SULT1B1: variants seen among roughly 807,000 people sequenced by gnomAD.
SULT1B1 encodes the protein sulfotransferase 1B1.
In SULT1B1, 28 loss-of-function variants were observed where a neutral mutation model predicts 34.6. The ratio of observed to expected loss-of-function variants is 0.81; its 90% CI spans 0.60 to 1.11. The LOEUF (loss-of-function observed/expected upper bound fraction) is 1.11. SULT1B1 is among the 50% of genes least tolerant of loss of function. The pLI, the probability that SULT1B1 is intolerant of heterozygous loss-of-function variation, is 0.00. For missense variants in SULT1B1, 374 were observed against 352.2 expected, an observed-to-expected ratio of 1.06 and a Z score of -0.50; for synonymous variants, 147 against 110.2, an observed-to-expected ratio of 1.33 and a Z score of -2.09.
chr4:69,760,344 G>T, intron 1 of SULT1B1, 115 bp downstream of exon 1: 1 of 307,122 alleles, frequency 3.3e-6, no homozygotes, highest in Non-Finnish European at 4.8e-6. Flanking sequence ...TTGGAATTAT[G>T]CAAAAGACTT....
intron 7 of SULT1B1, among the ~76,000 whole-genome samples, chr4:69,730,298 C>A (rs1718022252): frequency 2.0e-5 from 3 of 152,070 alleles, no homozygotes; most frequent in African/African-American, 7.2e-5. Context: ...AAATATTTAT[C>A]ATATATTCAA....
intron 1 of SULT1B1, among the ~76,000 whole-genome samples, chr4:69,757,712 T>C (rs1719245269): frequency 6.6e-6 from 1 of 152,208 alleles, no homozygotes; most frequent in Non-Finnish European, 1.5e-5. Flanking sequence ...AGAAAAATGC[T>C]GTGTCATTTT....
rs1415245469 is a variant in SULT1B1 at position 69,723,731 on chromosome 4, C to G, written c.*3357G>C. 1 of 152,150 alleles carries G rather than the reference C, an allele frequency of 6.6e-6. No homozygotes were observed. The highest frequency in any genetic ancestry group is 1.5e-5 in the Non-Finnish European group (1 of 68,016). The allele number at this position is 152,150 out of a possible 1,614,324, so 9.4% of individuals were successfully genotyped here. On this transcript the variant is annotated 3_prime_UTR_variant, in exon 8 of 8. Transcript: ENST00000310613. ...CAAGGCTGGTTCAACATATGCAAATCAATAAATGTAATCCAGCATATAAAC... is the reference window on the plus strand; with the variant it reads ...CAAGGCTGGTTCAACATATGCAAATGAATAAATGTAATCCAGCATATAAAC...
chr4:69,739,915 A>C (rs2110022698), intron 4 of SULT1B1, among the ~76,000 whole-genome samples: 1 of 152,334 alleles, frequency 6.6e-6, no homozygotes, highest in South Asian at 2.1e-4. Context: ...GTTCCCAACA[A>C]GTTCCTCTTC....
intron 6 of SULT1B1, among the ~76,000 whole-genome samples, chr4:69,730,947 G>T (rs1718057340): frequency 6.6e-6 from 1 of 152,130 alleles, no homozygotes; most frequent in African/African-American, 2.4e-5. Flanking sequence ...GAGTAAACGA[G>T]CAGACATGAT....
At chr4:69,750,179 T>G (rs990808411) in intron 3 of SULT1B1, among the ~76,000 whole-genome samples, 5 of 152,192 alleles carry the variant, frequency 3.3e-5, no homozygotes, top group African/African-American at 1.2e-4. Flanking sequence ...TATAAATGAC[T>G]ATTTAAATGT....
chr4:69,736,406 C>A (rs1718312672), intron 4 of SULT1B1, among the ~76,000 whole-genome samples: 1 of 152,108 alleles, frequency 6.6e-6, no homozygotes, highest in Non-Finnish European at 1.5e-5. Flanking sequence ...AGACTCCAGG[C>A]TGCACAGTTG....
At chr4:69,746,296 A>T (rs757907680) in intron 4 of SULT1B1, among the ~76,000 whole-genome samples, 2 of 152,200 alleles carry the variant, frequency 1.3e-5, no homozygotes, top group African/African-American at 4.8e-5. Context: ...ATCCTCAGAT[A>T]TGTTTTCCAA....
chr4:69,734,580 A>G (rs1718225094), intron 4 of SULT1B1, among the ~76,000 whole-genome samples: 1 of 152,192 alleles, frequency 6.6e-6, no homozygotes, highest in Non-Finnish European at 1.5e-5. Context: ...TAGAACACAC[A>G]TTATCAAGAA....
chr4:69,749,721 C>T lies in SULT1B1; in HGVS notation c.375G>A (p.Lys125=). The T allele has an allele frequency of 1.9e-6, 3 of 1,610,564 alleles. No individual in the cohort carries two copies. The highest frequency in any genetic ancestry group is 2.5e-6 in the Non-Finnish European group (3 of 1,176,948). The change falls in exon 4 of 8, where the codon AAG becomes AAA. Residue 125 remains lysine, a splice_region_variant and synonymous_variant. Coordinates refer to ENST00000310613, the MANE Select transcript of SULT1B1 (RefSeq NM_014465.4). ...LPKSFWENNC[K]MIYLARNAKD... The stretch of plus-strand genomic sequence containing the variant: ...AACTGACATGGAGTCTGGAGTATAC[C>T]TTGCAATTGTTTTCCCAGAAAGATT...
rs751502756 is a variant in SULT1B1, at chr4:69,727,164, G to T, written c.815C>A (p.Ala272Asp). The T allele has an allele frequency of 6.2e-7, 1 of 1,611,254 alleles. No homozygotes were observed. The change falls in exon 8 of 8, where the codon GCC becomes GAC. Residue 272 changes from alanine (A) to aspartate (D), a missense_variant. Coordinates refer to ENST00000310613, the MANE Select transcript of SULT1B1 (RefSeq NM_014465.4). Reference sequence around the variant, plus strand: ...AATAGCATCAAATTTCTCATTTTGGGCCACGGTGAAGTAATTCTTCCAGTC... The same window carrying T: ...AATAGCATCAAATTTCTCATTTTGGTCCACGGTGAAGTAATTCTTCCAGTC... ...AGDWKNYFTV[A>D]QNEKFDAIYE...
chr4:69,751,795 G>T (rs140652294), intron 3 of SULT1B1, among the ~76,000 whole-genome samples: 1 of 152,288 alleles, frequency 6.6e-6, no homozygotes, highest in African/African-American at 2.4e-5. Flanking sequence ...TCTACCTGAT[G>T]AACTTCAGCC....
chr4:69,760,145 A>T (rs2110035237), intron 1 of SULT1B1: 3 of 672,988 alleles, frequency 4.5e-6, no homozygotes, highest in Non-Finnish European at 5.5e-6. Context: ...GTAGGACTGG[A>T]TGAAGGATGG....
intron 4 of SULT1B1, among the ~76,000 whole-genome samples, chr4:69,734,517 A>C (rs1718222342): frequency 6.6e-6 from 1 of 152,202 alleles, no homozygotes; most frequent in Admixed American, 6.5e-5. Flanking sequence ...TGGCCACTTG[A>C]CACTGTGAAG....
chr4:69,749,607 A>AGAT, intron 4 of SULT1B1, 114 bp downstream of exon 4: 1 of 687,808 alleles, frequency 1.5e-6, no homozygotes. Flanking sequence ...GGTATAGTAT[A>AGAT]GATTGTTGCA....
In SULT1B1 at chr4:69,722,922, G is replaced by C. The variant is rs1717701091; in HGVS notation, c.*4166C>G. 2 of 151,666 alleles carry C rather than the reference G, an allele frequency of 1.3e-5. No homozygotes were observed. The highest frequency in any genetic ancestry group is 6.6e-5 in the Admixed American group (1 of 15,164). The allele number at this position is 151,666 out of a possible 1,614,324, so 9.4% of individuals were successfully genotyped here. A position where few individuals can be genotyped will look rare whatever the true frequency, so the allele number is the denominator to read the frequency against. On this transcript the variant is annotated 3_prime_UTR_variant, in exon 8 of 8. Coordinates refer to ENST00000310613, the MANE Select transcript of SULT1B1 (RefSeq NM_014465.4). ...ACCTTCAGCTTGAGAACCATGGCTT[G>C]GCATATAACTTGGCACATGTGATAT...
chr4:69,753,065 A>G (rs1719039480), intron 3 of SULT1B1, among the ~76,000 whole-genome samples: 1 of 152,198 alleles, frequency 6.6e-6, no homozygotes, highest in Admixed American at 6.5e-5. Flanking sequence ...CCAATGTCCA[A>G]TTATGCTGAG....
intron 3 of SULT1B1, among the ~76,000 whole-genome samples, chr4:69,753,897 A>T (rs7669491): frequency 2.0e-5 from 3 of 152,038 alleles, no homozygotes; most frequent in South Asian, 2.1e-4. Flanking sequence ...CTTTAACTAA[A>T]CCAGCTGTTT....
chr4:69,752,759 T>G (rs1719025757), intron 3 of SULT1B1, among the ~76,000 whole-genome samples: 1 of 152,216 alleles, frequency 6.6e-6, no homozygotes, highest in Non-Finnish European at 1.5e-5. Flanking sequence ...ACCTCCATTA[T>G]AGAAGAGGAT....
Sources: allele counts gnomAD v4.1 joint callset (sites outside exome capture counted in the v4.1 genomes callset), GRCh38; gene constraint gnomAD v4.1.1; transcripts MANE v1.5; gene names NCBI Gene and HGNC (gene_info 2026-07-23, HGNC 2026-07-21).